The following INTS7 variants were observed in gnomAD, a reference collection of about 807,000 sequenced individuals.
The protein encoded by INTS7 is chromosome 1 open reading frame 73.
In INTS7, 46 loss-of-function variants were observed where a neutral mutation model predicts 109.2. That is an observed-to-expected ratio of 0.42 (90% confidence interval 0.33 to 0.54). INTS7 has a LOEUF of 0.54. Ranked by LOEUF, INTS7 falls within the 20% of genes least tolerant of loss-of-function variation. The pLI is 0.07. For synonymous variants in INTS7, 412 were observed against 402.9 expected (o/e 1.02, Z -0.27); for missense variants, 929 against 1,132.4 (o/e 0.82, Z 2.58).
intron 7 of INTS7, among the ~76,000 whole-genome samples, chr1:211,993,506 T>C (rs528087375): frequency 0.02 from 3,035 of 151,670 alleles, 31 homozygotes; most frequent in African/African-American, 0.026. Context: ...ATGATGAAAC[T>C]CTGTCTCTAC....
chr1:212,020,989 G>T, intron 2 of INTS7, 94 bp downstream of exon 2: 1 of 1,134,948 alleles, frequency 8.8e-7, no homozygotes, highest in Non-Finnish European at 1.3e-6. Flanking sequence ...CTAACCAGGT[G>T]GAAGTACTAA....
intron 13 of INTS7, among the ~76,000 whole-genome samples, chr1:211,970,793 A>T (rs1165384860): frequency 6.6e-6 from 1 of 152,220 alleles, no homozygotes; most frequent in Non-Finnish European, 1.5e-5. Context: ...AGGAACTCTT[A>T]TACACTGCTG....
rs1174619349 is a variant in INTS7, at chr1:211,981,081, A to G, written c.1230+12T>C. The G allele has an allele frequency of 6.4e-6, 10 of 1,558,626 alleles. No homozygotes were observed. Among genetic ancestry groups the G allele is most frequent in the Middle Eastern group, 1.7e-4 (1 of 5,952 alleles). ...ATATATCTATTACAACTTAATAAAT[A>G]AAAGTTTTCACCTTTAAAGTGGCCT... On this transcript the variant is annotated intron_variant, in intron 10 of 19. Coordinates refer to ENST00000366994, the MANE Select transcript of INTS7 (RefSeq NM_015434.4).
rs1008565628 is a variant in INTS7, at chr1:211,959,459, G to A, written c.2184-6758C>T. ...AACTGGTAGTGAGCTCCAGCACAGC[G>A]GCCCAGCATGTGGACATGGGCCGGC... On this transcript the variant is annotated intron_variant, in intron 16 of 19. Coordinates refer to ENST00000366994, the MANE Select transcript of INTS7 (RefSeq NM_015434.4). The surrounding 1 kb of genome is among the most constrained non-coding windows in gnomAD (Gnocchi z 4.2). Among the ~76,000 whole-genome samples the A allele has an allele frequency of 3.9e-5, 6 of 152,248 alleles. No individual in the cohort carries two copies. Among genetic ancestry groups the A allele is most frequent in the African/African-American group, 9.6e-5 (4 of 41,538 alleles).
chr1:211,976,195 A>G (rs114381324), intron 12 of INTS7, among the ~76,000 whole-genome samples: 3,139 of 152,302 alleles, frequency 0.021, 118 homozygotes, highest in African/African-American at 0.071. Flanking sequence ...AGTACAGCAT[A>G]CTAAAGCTTT....
chr1:211,990,304 G>A (rs183289977), intron 7 of INTS7, among the ~76,000 whole-genome samples: 163 of 151,142 alleles, frequency 1.1e-3, no homozygotes, highest in African/African-American at 3.9e-3. Context: ...AAAAAATGCA[G>A]TAGATCTAGC....
chr1:211,979,130 A>G (rs1267563443), intron 10 of INTS7, among the ~76,000 whole-genome samples: 2 of 152,232 alleles, frequency 1.3e-5, no homozygotes, highest in African/African-American at 4.8e-5. Flanking sequence ...AAAAAACTAG[A>G]AACCTAGAAA....
chr1:211,978,288 T>C lies in INTS7; in HGVS notation c.1454A>G (p.Lys485Arg), dbSNP rs769871742. The C allele has an allele frequency of 4.3e-6, 7 of 1,614,136 alleles. No homozygotes were observed. Among genetic ancestry groups the C allele is most frequent in the Admixed American group, 3.3e-5 (2 of 60,024 alleles). The change falls in exon 11 of 20, where the codon AAG becomes AGG. Residue 485 changes from lysine to arginine, a missense_variant. Coordinates refer to ENST00000366994, the MANE Select transcript of INTS7 (RefSeq NM_015434.4). ...YKVIGRSATD[K>R]QQELLVSLAT... ...GCTTTTTACCAGAAGTTCTTGTTGC[T>C]TGTCTGTGGCTGATCGTCCAATCAC...
chr1:212,001,085 G>C (rs1485572194), intron 7 of INTS7, among the ~76,000 whole-genome samples: 2 of 55,442 alleles, frequency 3.6e-5, no homozygotes, highest in Non-Finnish European at 7.5e-5. Context: ...TTTTTTTTTT[G>C]AGACAGAGTT....
chr1:212,034,566 T>C (rs1457863287), intron 1 of INTS7, among the ~76,000 whole-genome samples: 1 of 152,234 alleles, frequency 6.6e-6, no homozygotes, highest in Admixed American at 6.5e-5. Context: ...TCGAGTTCTT[T>C]ACTAACAAAT....
At chr1:211,975,443 T>A in intron 12 of INTS7, 71 bp from the exon 13 acceptor site, 1 of 1,155,268 alleles carries the variant, frequency 8.7e-7, no homozygotes, top group East Asian at 2.3e-5. Context: ...TTGAAAGAGT[T>A]GATGCAGCAG....
intron 4 of INTS7, chr1:212,011,622 G>A: frequency 1.8e-6 from 1 of 555,550 alleles, no homozygotes; most frequent in Non-Finnish European, 3.3e-6. Context: ...AATGGGCTAT[G>A]CCAACACTGC....
Position 211,959,970 on chromosome 1 carries a change from T to G in INTS7, c.2183+6460A>C, listed in dbSNP as rs545765597. Among the ~76,000 whole-genome samples, 21 of 152,372 alleles carry G rather than the reference T, an allele frequency of 1.4e-4. No homozygotes were observed. The highest frequency in any genetic ancestry group is 5.0e-4 in the African/African-American group (21 of 41,592). On this transcript the variant is annotated intron_variant, in intron 16 of 19. Transcript: ENST00000366994. This position sits in a 1 kb window ranked among gnomAD's most constrained non-coding sequence, Gnocchi z 4.2. ...CGGTGGACAAGTGTGCATCCCGTTA[T>G]GCTGCTGTTGCTGCTGCTGGTATGT...
chr1:211,954,699 A>C (rs1210916296), intron 16 of INTS7, among the ~76,000 whole-genome samples: 1 of 152,296 alleles, frequency 6.6e-6, no homozygotes, highest in South Asian at 2.1e-4. Context: ...CAAAGATCAG[A>C]TGGTTGTAGA....
At chr1:211,992,168 T>C (rs1332246007) in intron 7 of INTS7, among the ~76,000 whole-genome samples, 1 of 152,182 alleles carries the variant, frequency 6.6e-6, no homozygotes, top group Non-Finnish European at 1.5e-5. Context: ...GTTAATTAGC[T>C]TGTGATTAGG....
intron 7 of INTS7, among the ~76,000 whole-genome samples, chr1:211,997,968 CTTTT>C (rs200710274): frequency 6.6e-6 from 1 of 151,604 alleles, no homozygotes; most frequent in Non-Finnish European, 1.5e-5. Flanking sequence ...TCCCAGCAGC[CTTTT>C]TTTTCATAGA....
At chr1:211,944,479 A>G (rs547384697) in intron 19 of INTS7, among the ~76,000 whole-genome samples, 79 of 152,248 alleles carry the variant, frequency 5.2e-4, no homozygotes, top group Middle Eastern at 3.4e-3. Context: ...AATCCAATTC[A>G]GGGGTCTACG....
At chr1:211,968,473 TAA>T in intron 14 of INTS7, 38 bp downstream of exon 14, 1 of 1,549,686 alleles carries the variant, frequency 6.5e-7, no homozygotes, top group Non-Finnish European at 8.8e-7. Context: ...CGAAAACCTC[TAA>T]AGTGTAAATA....
rs58204818 is a variant in INTS7 at position 212,015,710 on chromosome 1, TAAAAAAAAAAAAAAAAAAA to T, written c.509+1157_509+1175del. Among the ~76,000 whole-genome samples, 13 of 34,980 alleles carry T rather than the reference TAAAAAAAAAAAAAAAAAAA, an allele frequency of 3.7e-4. 1 individual carries two copies. In the South Asian group the frequency reaches 7.1e-3, roughly 19 times the overall value. 22.9% of individuals were successfully genotyped at this position (34,980 alleles called of 152,430 possible). A position where few individuals can be genotyped will look rare whatever the true frequency, so the allele number is the denominator to read the frequency against. ...ACACCCAAGAATGATCAATAAATAC[TAAAAAAAAAAAAAAAAAAA>T]AAAAAAAAAAAAAAGTTAACTTTTC... On this transcript the variant is annotated intron_variant, in intron 4 of 19. Transcript: ENST00000366994.
Sources: gnomAD v4.1 joint callset for allele counts (sites outside exome capture counted in the v4.1 genomes callset) on GRCh38, gnomAD v4.1.1 for gene constraint, Gnocchi (gnomAD v3.1) non-coding constraint, MANE v1.5 for transcripts, NCBI Gene and HGNC (gene_info 2026-07-23, HGNC 2026-07-21) for gene names.